The following DAB1 variants were observed in gnomAD, a reference collection of about 807,000 sequenced individuals.
DAB1 encodes the protein DAB adaptor protein 1, also known as disabled homolog 1.
DAB1 carries 15 observed loss-of-function variants against 64.6 expected under a neutral mutation model. The observed-to-expected ratio is 0.23, with a 90% CI of 0.16 to 0.36. The LOEUF is 0.36. Among genes scored for constraint, DAB1 ranks in the 10% least tolerant of loss-of-function variants. The pLI is 1.00. For missense variants in DAB1, 596 were observed against 706.7 expected (o/e 0.84, Z 1.78); for synonymous variants, 235 against 251.9 (o/e 0.93, Z 0.64).
Position 58,436,544 on chromosome 1 carries a change from T to C in DAB1, n.257+69516A>G, listed in dbSNP as rs552427711. 6.6e-5 allele frequency among the ~76,000 whole-genome samples: 10 copies of C among 152,338 alleles called. No homozygotes were observed. The South Asian group carries it at 1.9e-3, about 28-fold the overall frequency. On this transcript the variant is annotated intron_variant and non_coding_transcript_variant, in intron 3 of 20. Transcript: ENST00000485760. ...CTCACTCCATGCCATGGAGATGAAG[T>C]TGGCTCCTTCTTAATGGTCTCCCCT... is the stretch of plus-strand genomic sequence containing the variant.
chr1:57,826,873 CAG>C (rs886422548), intron 1 of DAB1, among the ~76,000 whole-genome samples: 5 of 152,180 alleles, frequency 3.3e-5, no homozygotes, highest in Admixed American at 2.6e-4. Flanking sequence ...GAGCAAGAGA[CAG>C]GGGGAAGGGA....
chr1:58,258,155 C>T (rs1054482870), intron 4 of DAB1, among the ~76,000 whole-genome samples: 11 of 151,884 alleles, frequency 7.2e-5, no homozygotes, highest in African/African-American at 1.7e-4. Flanking sequence ...CGGGTGTCTT[C>T]GCACACCAGG....
chr1:58,078,663 A>G (rs913791786), intron 5 of DAB1, among the ~76,000 whole-genome samples: 33 of 152,204 alleles, frequency 2.2e-4, no homozygotes, highest in African/African-American at 7.7e-4. Flanking sequence ...ATTATATGCC[A>G]GACATATGCT....
chr1:57,983,207 T>C (rs558557331), intron 5 of DAB1, among the ~76,000 whole-genome samples: 1 of 152,322 alleles, frequency 6.6e-6, no homozygotes, highest in East Asian at 1.9e-4. Context: ...ACACATTCAC[T>C]AAATTTGGAG....
chr1:57,247,269 C>T (rs1570041313), intron 2 of DAB1, among the ~76,000 whole-genome samples: 1 of 152,128 alleles, frequency 6.6e-6, no homozygotes, highest in Non-Finnish European at 1.5e-5. Flanking sequence ...AGATTTCACC[C>T]TTGCTGTTCT....
At chr1:57,026,833 G>T (rs914882059) in intron 9 of DAB1, among the ~76,000 whole-genome samples, 2 of 152,136 alleles carry the variant, frequency 1.3e-5, no homozygotes, top group African/African-American at 4.8e-5. Context: ...AGCAGCTAAA[G>T]AAACCCTTTA....
chr1:57,305,152 C>T (rs1325359079), intron 1 of DAB1, among the ~76,000 whole-genome samples: 1 of 152,190 alleles, frequency 6.6e-6, no homozygotes, highest in African/African-American at 2.4e-5. Context: ...CCCCAAAGGA[C>T]AGTGCAGTGT....
At chr1:58,089,214 G>A (rs1327690244) in intron 5 of DAB1, among the ~76,000 whole-genome samples, 1 of 152,200 alleles carries the variant, frequency 6.6e-6, no homozygotes, top group East Asian at 1.9e-4. Flanking sequence ...CTCTCTTACT[G>A]TAATTTTTGG....
intron 1 of DAB1, among the ~76,000 whole-genome samples, chr1:57,297,127 G>A (rs575033661): frequency 3.9e-4 from 60 of 152,164 alleles, no homozygotes; most frequent in African/African-American, 1.2e-3. Flanking sequence ...TTAAGAAATC[G>A]GAAGGGGAGA....
intron 2 of DAB1, among the ~76,000 whole-genome samples, chr1:57,268,669 C>T (rs1348961088): frequency 6.6e-6 from 1 of 152,226 alleles, no homozygotes; most frequent in East Asian, 1.9e-4. Flanking sequence ...TAAATACCTT[C>T]TATGTGCCAA....
At chr1:57,649,044 G>T (rs1646226360) in intron 7 of DAB1, among the ~76,000 whole-genome samples, 1 of 152,190 alleles carries the variant, frequency 6.6e-6, no homozygotes, top group Admixed American at 6.5e-5. Flanking sequence ...ATTCAGGGTT[G>T]CCATCATTTA....
At chr1:58,501,937 C>T (rs1645913717) in intron 3 of DAB1, among the ~76,000 whole-genome samples, 1 of 151,990 alleles carries the variant, frequency 6.6e-6, no homozygotes, top group Non-Finnish European at 1.5e-5. Flanking sequence ...GCCCCCCACT[C>T]CCGCCCCCAG....
intron 7 of DAB1, among the ~76,000 whole-genome samples, chr1:57,435,916 CTT>C (rs1183686656): frequency 6.3e-5 from 8 of 127,184 alleles, no homozygotes; most frequent in African/African-American, 8.7e-5. Flanking sequence ...TTTTTTCTTT[CTT>C]TTTTTTTTTT....
chr1:57,403,441 G>A (rs1683402135), intron 1 of DAB1, among the ~76,000 whole-genome samples: 1 of 152,182 alleles, frequency 6.6e-6, no homozygotes, highest in Non-Finnish European at 1.5e-5. Flanking sequence ...GGCTACACCT[G>A]GACTTGTTTA....
At chr1:57,571,751 C>T (rs1412763361) in intron 7 of DAB1, among the ~76,000 whole-genome samples, 1 of 152,156 alleles carries the variant, frequency 6.6e-6, no homozygotes, top group African/African-American at 2.4e-5. Context: ...TAGATCATTT[C>T]TCTCTGGACA....
At chr1:58,230,153 C>T (rs1482796671) in intron 4 of DAB1, among the ~76,000 whole-genome samples, 3 of 152,162 alleles carry the variant, frequency 2.0e-5, no homozygotes, top group Non-Finnish European at 4.4e-5. Context: ...AACAAGGTGA[C>T]CTTCCTTCCC....
At chr1:58,405,806 A>C (rs926359051) in intron 3 of DAB1, among the ~76,000 whole-genome samples, 4 of 152,224 alleles carry the variant, frequency 2.6e-5, no homozygotes, top group African/African-American at 9.6e-5. Flanking sequence ...ATGAGGAAAC[A>C]GACACTTGGA....
intron 7 of DAB1, among the ~76,000 whole-genome samples, chr1:57,477,917 T>A (rs890231913): frequency 2.0e-5 from 3 of 152,138 alleles, no homozygotes; most frequent in African/African-American, 4.8e-5. Context: ...CTATTTTTTT[T>A]AATACTTTAA....
chr1:57,470,747 C>G (rs537798604), intron 7 of DAB1, among the ~76,000 whole-genome samples: 1 of 152,250 alleles, frequency 6.6e-6, no homozygotes, highest in Admixed American at 6.5e-5. Context: ...GTCCTAATTC[C>G]TTTAAAAATC....
Sources: allele counts gnomAD v4.1 joint callset (sites outside exome capture counted in the v4.1 genomes callset), GRCh38; gene constraint gnomAD v4.1.1; transcripts MANE v1.5; gene names NCBI Gene and HGNC (gene_info 2026-07-23, HGNC 2026-07-21).